The following TBC1D22A variants were observed in gnomAD, a reference collection of about 807,000 sequenced individuals.
The protein encoded by TBC1D22A is putative GTPase activator.
In TBC1D22A, 38 loss-of-function variants were observed where a neutral mutation model predicts 60.2. The ratio of observed to expected loss-of-function variants is 0.63; its 90% CI spans 0.49 to 0.83. The LOEUF (loss-of-function observed/expected upper bound fraction) is 0.83, where lower values mean the gene tolerates loss of function less well. Among genes scored for constraint, TBC1D22A ranks in the 40% least tolerant of loss-of-function variants. The pLI is 0.00. For synonymous variants in TBC1D22A, 302 were observed against 281.7 expected (o/e 1.07, Z -0.72); for missense variants, 628 against 701.0 (o/e 0.90, Z 1.18).
chr22:47,121,435 GGT>G (rs2066267979), intron 12 of TBC1D22A, among the ~76,000 whole-genome samples: 1 of 152,036 alleles, frequency 6.6e-6, no homozygotes, highest in Non-Finnish European at 1.5e-5. Flanking sequence ...CCTAAGTTAT[GGT>G]ACATGGCTGG....
At chr22:46,892,580 T>A (rs1409655740) in intron 6 of TBC1D22A, among the ~76,000 whole-genome samples, 1 of 152,248 alleles carries the variant, frequency 6.6e-6, no homozygotes, top group Non-Finnish European at 1.5e-5. Flanking sequence ...ATACACAGAT[T>A]ACTTTGGATT....
At chr22:46,786,147 A>C (rs978341170) in intron 1 of TBC1D22A, among the ~76,000 whole-genome samples, 7 of 152,276 alleles carry the variant, frequency 4.6e-5, no homozygotes, top group African/African-American at 1.7e-4. Context: ...GTTAACTATG[A>C]GTTTTTTGTA....
chr22:47,108,844 C>T (rs1424668922), intron 11 of TBC1D22A, among the ~76,000 whole-genome samples: 3 of 152,142 alleles, frequency 2.0e-5, no homozygotes, highest in Non-Finnish European at 4.4e-5. Context: ...TACAGGCACC[C>T]GCCACCATGC....
intron 8 of TBC1D22A, among the ~76,000 whole-genome samples, chr22:46,940,358 TC>T (rs1202205051): frequency 2.6e-5 from 4 of 151,974 alleles, no homozygotes; most frequent in Non-Finnish European, 5.9e-5. Flanking sequence ...ATACACACAG[TC>T]CACCCTTGAA....
At chr22:47,098,811 G>A (rs553703959) in intron 11 of TBC1D22A, among the ~76,000 whole-genome samples, 6 of 152,350 alleles carry the variant, frequency 3.9e-5, no homozygotes, top group Admixed American at 2.6e-4. Flanking sequence ...AGGGAGTCAT[G>A]CAGCCATTAG....
At chr22:47,010,233 A>G (rs2061714285) in intron 10 of TBC1D22A, among the ~76,000 whole-genome samples, 1 of 152,046 alleles carries the variant, frequency 6.6e-6, no homozygotes, top group Non-Finnish European at 1.5e-5. Flanking sequence ...CTTTATTACC[A>G]CCCTGGTGGA....
At chr22:47,107,010 AT>A (rs2065661450) in intron 11 of TBC1D22A, among the ~76,000 whole-genome samples, 1 of 152,238 alleles carries the variant, frequency 6.6e-6, no homozygotes, top group Non-Finnish European at 1.5e-5. Flanking sequence ...GCTAGGGAAG[AT>A]TAGGTCAGTG....
rs370925116 is a variant in TBC1D22A, at chr22:46,904,134, T to C, written c.901-7940T>C. 3.5e-3 allele frequency among the ~76,000 whole-genome samples: 236 copies of C among 66,562 alleles called. 1 individual carries two copies. The highest frequency in any genetic ancestry group is 0.015 in the African/African-American group (210 of 13,654). The allele number at this position is 66,562 out of a possible 152,430, so 43.7% of individuals were successfully genotyped here. A position where few individuals can be genotyped will look rare whatever the true frequency, so the allele number is the denominator to read the frequency against. On this transcript the variant is annotated intron_variant, in intron 7 of 12. Transcript: ENST00000337137. ...ATCTATCTATCTATCTATCTATCTA[T>C]CTATCTATCTACCTACCTACCTACC... is the stretch of plus-strand genomic sequence containing the variant.
Position 47,009,903 on chromosome 22 carries a change from G to A in TBC1D22A, c.1201+12194G>A, listed in dbSNP as rs1467961162. The stretch of plus-strand genomic sequence containing the variant: ...GCAGCCTCTTCTGTCCAGCCCCCAG[G>A]GAGGTTGGTTGGAGTGGAAGACACT... On this transcript the variant is annotated intron_variant, in intron 10 of 12. Transcript: ENST00000337137. The surrounding 1 kb of genome is among the most constrained non-coding windows in gnomAD (Gnocchi z 5.8). Among the ~76,000 whole-genome samples, 1 of 152,254 alleles carries A rather than the reference G, an allele frequency of 6.6e-6. No homozygotes were observed. Among genetic ancestry groups the A allele is most frequent in the Non-Finnish European group, 1.5e-5 (1 of 68,052 alleles).
chr22:46,906,509 TCTTA>T (rs1318135758), intron 7 of TBC1D22A, among the ~76,000 whole-genome samples: 1 of 152,196 alleles, frequency 6.6e-6, no homozygotes, highest in Non-Finnish European at 1.5e-5. Flanking sequence ...TCAGGCCTCC[TCTTA>T]GTAGCAGAGA....
intron 11 of TBC1D22A, among the ~76,000 whole-genome samples, chr22:47,041,865 G>T (rs975739176): frequency 6.6e-6 from 1 of 152,228 alleles, no homozygotes; most frequent in East Asian, 1.9e-4. Flanking sequence ...TGGACAGCGG[G>T]CGTGGCCGTG....
At chr22:47,030,075 C>T (rs1322816643) in intron 10 of TBC1D22A, among the ~76,000 whole-genome samples, 1 of 152,224 alleles carries the variant, frequency 6.6e-6, no homozygotes, top group Non-Finnish European at 1.5e-5. Flanking sequence ...GAGTGGGGGG[C>T]CTCTTGGTGC....
intron 12 of TBC1D22A, among the ~76,000 whole-genome samples, chr22:47,141,790 A>G (rs998107990): frequency 2.6e-5 from 4 of 152,238 alleles, no homozygotes; most frequent in Admixed American, 2.6e-4. Context: ...GGAGAGAACA[A>G]AGAAGGAAAT....
chr22:46,915,399 G>T (rs1256015270), intron 8 of TBC1D22A: 2 of 456,678 alleles, frequency 4.4e-6, no homozygotes, highest in Admixed American at 4.7e-5. Context: ...TCAGAGAACA[G>T]AGCCTGGTAA....
intron 8 of TBC1D22A, among the ~76,000 whole-genome samples, chr22:46,971,103 C>T (rs769162217): frequency 3.9e-5 from 6 of 152,182 alleles, no homozygotes; most frequent in Admixed American, 1.3e-4. Flanking sequence ...CAAATCACCA[C>T]GGGGGCTCTC....
At chr22:47,036,246 A>G (rs2062654276) in intron 10 of TBC1D22A, among the ~76,000 whole-genome samples, 1 of 152,234 alleles carries the variant, frequency 6.6e-6, no homozygotes, top group Admixed American at 6.5e-5. Context: ...GTTTTTATAA[A>G]GCAGCACCCA....
Position 46,941,426 on chromosome 22 carries a change from C to T in TBC1D22A, c.1015+29238C>T, listed in dbSNP as rs1444564672. 6.6e-4 allele frequency among the ~76,000 whole-genome samples: 66 copies of T among 100,132 alleles called. 8 individuals are homozygous for T. Among genetic ancestry groups the T allele is most frequent in the African/African-American group, 2.5e-3 (61 of 24,692 alleles). The allele number at this position is 100,132 out of a possible 152,430, so 65.7% of individuals were successfully genotyped here. A position where few individuals can be genotyped will look rare whatever the true frequency, so the allele number is the denominator to read the frequency against. Reference sequence around the variant, plus strand: ...ACAGAATATATATACGGAATATACACGGAATATATATACACGGAATATATA... The same window carrying T: ...ACAGAATATATATACGGAATATACATGGAATATATATACACGGAATATATA... On this transcript the variant is annotated intron_variant, in intron 8 of 12. Coordinates refer to ENST00000337137, the MANE Select transcript of TBC1D22A (RefSeq NM_014346.5).
At chr22:46,868,008 G>A (rs374730500) in intron 4 of TBC1D22A, among the ~76,000 whole-genome samples, 48 of 152,334 alleles carry the variant, frequency 3.2e-4, no homozygotes, top group African/African-American at 9.9e-4. Context: ...TGGAAACCCA[G>A]CACTGTAGAT....
intron 12 of TBC1D22A, among the ~76,000 whole-genome samples, chr22:47,135,188 G>A (rs1047319788): frequency 6.6e-6 from 1 of 152,214 alleles, no homozygotes; most frequent in Non-Finnish European, 1.5e-5. Flanking sequence ...GTGGGCAGCC[G>A]GCCTTCCCAG....
Sources: allele counts gnomAD v4.1 joint callset (sites outside exome capture counted in the v4.1 genomes callset), GRCh38; gene constraint gnomAD v4.1.1; non-coding constraint Gnocchi (gnomAD v3.1); transcripts MANE v1.5; gene names NCBI Gene and HGNC (gene_info 2026-07-23, HGNC 2026-07-21).